The following KCNN3 variants were observed in gnomAD, a reference collection of about 807,000 sequenced individuals.
KCNN3 encodes small conductance calcium-activated potassium channel protein 3.
In KCNN3, 16 loss-of-function variants were observed where a neutral mutation model predicts 62.9. The observed-to-expected ratio is 0.25, with a 90% CI of 0.17 to 0.39. KCNN3 has a LOEUF of 0.39. Ranked by LOEUF, KCNN3 falls within the 10% of genes least tolerant of loss-of-function variation. KCNN3 has a pLI of 1.00. For missense variants in KCNN3, 599 were observed against 949.4 expected, an observed-to-expected ratio of 0.63 and a Z score of 4.85; for synonymous variants, 370 against 389.2, an observed-to-expected ratio of 0.95 and a Z score of 0.58.
chr1:154,792,924 A>G (rs997377072), intron 2 of KCNN3, among the ~76,000 whole-genome samples: 6 of 152,126 alleles, frequency 3.9e-5, no homozygotes, highest in South Asian at 2.1e-4. Context: ...GCCAGGTCTC[A>G]GGCAACTTCT....
chr1:154,857,108 C>A (rs936009310), intron 1 of KCNN3, among the ~76,000 whole-genome samples: 4 of 152,188 alleles, frequency 2.6e-5, no homozygotes, highest in African/African-American at 9.7e-5. Flanking sequence ...TGGTGCTGAA[C>A]CCCCAGAACC....
chr1:154,760,648 C>A (rs964414585), intron 3 of KCNN3, among the ~76,000 whole-genome samples: 8 of 152,206 alleles, frequency 5.3e-5, no homozygotes, highest in African/African-American at 4.8e-5. Flanking sequence ...TCTCCACGAC[C>A]GCCTGGCCGC....
chr1:154,751,308 C>T (rs969931178), intron 3 of KCNN3, among the ~76,000 whole-genome samples: 1 of 152,150 alleles, frequency 6.6e-6, no homozygotes, highest in African/African-American at 2.4e-5. Context: ...ACATTCTGTC[C>T]CCCTTCTCTC....
chr1:154,859,561 T>G, intron 1 of KCNN3: 1 of 866,874 alleles, frequency 1.2e-6, no homozygotes, highest in South Asian at 1.3e-5. Context: ...AAGGGCAGCC[T>G]CTCCCTGCCT....
intron 3 of KCNN3, among the ~76,000 whole-genome samples, chr1:154,749,552 C>A (rs560792500): frequency 1.3e-5 from 2 of 152,200 alleles, no homozygotes; most frequent in African/African-American, 4.8e-5. Context: ...GACGTGGGAG[C>A]TCTGGTTGGG....
chr1:154,860,405 AT>A (rs1357039835), intron 1 of KCNN3, among the ~76,000 whole-genome samples: 1 of 151,800 alleles, frequency 6.6e-6, no homozygotes, highest in Non-Finnish European at 1.5e-5. Flanking sequence ...CCACGGGTTT[AT>A]TTTTGTTCTC....
At chr1:154,755,786 G>A (rs554607276) in intron 3 of KCNN3, among the ~76,000 whole-genome samples, 5 of 98,956 alleles carry the variant, frequency 5.1e-5, no homozygotes, top group Non-Finnish European at 1.0e-4. Flanking sequence ...GAGAGAGAGA[G>A]GGGAGGAGGA....
intron 2 of KCNN3, among the ~76,000 whole-genome samples, chr1:154,786,426 T>C (rs1649285719): frequency 6.6e-6 from 1 of 152,242 alleles, no homozygotes; most frequent in Non-Finnish European, 1.5e-5. Context: ...AACAGCTGAA[T>C]ATATTATGGT....
chr1:154,797,748 A>G (rs1393891683), intron 2 of KCNN3, among the ~76,000 whole-genome samples: 1 of 152,228 alleles, frequency 6.6e-6, no homozygotes, highest in East Asian at 1.9e-4. Context: ...CTTGGCATAT[A>G]GCAGATGCTG....
intron 1 of KCNN3, chr1:154,868,249 C>T (rs1653028344): frequency 1.2e-5 from 12 of 985,464 alleles, no homozygotes; most frequent in African/African-American, 1.7e-5. Context: ...GCTGCTCTGC[C>T]CAGGTAACAC....
chr1:154,839,542 A>T lies in KCNN3; in HGVS notation c.934-17358T>A, dbSNP rs544008574. The stretch of plus-strand genomic sequence containing the variant: ...AACGTGACCTGGGTTTGGAAAAGAC[A>T]CTACAGGCAATCCACAAAGTGGATA... On this transcript the variant is annotated intron_variant, in intron 1 of 7. Transcript: ENST00000271915. 1.8e-4 allele frequency among the ~76,000 whole-genome samples: 28 copies of T among 152,350 alleles called. 2 individuals carry two copies. The South Asian group carries it at 5.4e-3, about 29-fold the overall frequency.
At chr1:154,838,288 T>C (rs981705877) in intron 1 of KCNN3, among the ~76,000 whole-genome samples, 2 of 152,142 alleles carry the variant, frequency 1.3e-5, no homozygotes, top group African/African-American at 2.4e-5. Context: ...AATTTAGAGC[T>C]AGAGCCTAGC....
intron 5 of KCNN3, among the ~76,000 whole-genome samples, chr1:154,721,280 C>T (rs908359755): frequency 3.8e-4 from 56 of 148,136 alleles, no homozygotes; most frequent in Non-Finnish European, 5.9e-5. Flanking sequence ...GCCCACTCTG[C>T]CTTTTTTTTC....
intron 2 of KCNN3, among the ~76,000 whole-genome samples, chr1:154,791,638 G>A (rs530323145): frequency 1.2e-4 from 18 of 152,324 alleles, no homozygotes; most frequent in African/African-American, 4.3e-4. Flanking sequence ...AAGGAACCTC[G>A]AAAGGGAACG....
At chr1:154,725,699 A>G (rs1700448441) in intron 5 of KCNN3, among the ~76,000 whole-genome samples, 1 of 152,058 alleles carries the variant, frequency 6.6e-6, no homozygotes, top group Non-Finnish European at 1.5e-5. Flanking sequence ...GTGTGCCACC[A>G]TGCCCAGCTA....
At chr1:154,800,393 C>G (rs1356568745) in intron 2 of KCNN3, among the ~76,000 whole-genome samples, 6 of 152,204 alleles carry the variant, frequency 3.9e-5, no homozygotes, top group African/African-American at 1.4e-4. Context: ...TTTGCTCTGT[C>G]CTCACAGAGC....
At chr1:154,770,324 C>CGTGT (rs1490758560) in intron 3 of KCNN3, among the ~76,000 whole-genome samples, 3 of 152,184 alleles carry the variant, frequency 2.0e-5, no homozygotes, top group African/African-American at 7.2e-5. Flanking sequence ...TCAGTTTGAC[C>CGTGT]GTGTGTCTGT....
chr1:154,740,587 A>G (rs1252989723), intron 3 of KCNN3, among the ~76,000 whole-genome samples: 1 of 152,258 alleles, frequency 6.6e-6, no homozygotes, highest in African/African-American at 2.4e-5. Context: ...CTAAGATGCC[A>G]GTGCCAATTA....
chr1:154,736,870 G>A (rs1194435956), intron 3 of KCNN3, among the ~76,000 whole-genome samples: 2 of 152,154 alleles, frequency 1.3e-5, no homozygotes, highest in Non-Finnish European at 2.9e-5. Context: ...CGTGCTAACT[G>A]TGTGTGCTGA....
Sources: allele counts gnomAD v4.1 joint callset (sites outside exome capture counted in the v4.1 genomes callset), GRCh38; gene constraint gnomAD v4.1.1; transcripts MANE v1.5; gene names NCBI Gene and HGNC (gene_info 2026-07-23, HGNC 2026-07-21).